The following AKAP10 variants were observed in gnomAD, a reference collection of about 807,000 sequenced individuals.
The protein encoded by AKAP10 is A-kinase anchor protein 10, mitochondrial.
Under a neutral mutation model 80.8 loss-of-function variants are expected in AKAP10, and 24 were observed. The ratio of observed to expected loss-of-function variants is 0.30; its 90% CI spans 0.22 to 0.42. The LOEUF is 0.42. AKAP10 is among the 10% of genes least tolerant of loss of function. The pLI is 1.00. For missense variants in AKAP10, 661 were observed against 794.9 expected (o/e 0.83, Z 2.03); for synonymous variants, 291 against 277.7 (o/e 1.05, Z -0.48).
In AKAP10 at chr17:19,905,004, T is replaced by C. The variant is rs1055987513; in HGVS notation, c.*1223A>G. The C allele has an allele frequency of 1.3e-5, 2 of 148,628 alleles. No homozygotes were observed. The highest frequency in any genetic ancestry group is 5.0e-5 in the African/African-American group (2 of 40,314). 9.2% of individuals were successfully genotyped at this position (148,628 alleles called of 1,614,324 possible). On this transcript the variant is annotated 3_prime_UTR_variant, in exon 15 of 15. Transcript: ENST00000225737. ...TCTCAAGGACAAAAGTGATTAATAA[T>C]TATATATTTATACATATATATATAT...
chr17:19,949,151 T>C (rs1270048791), intron 4 of AKAP10, among the ~76,000 whole-genome samples: 1 of 151,910 alleles, frequency 6.6e-6, no homozygotes, highest in African/African-American at 2.4e-5. Flanking sequence ...AAAACCATGC[T>C]CTAAGAAATA....
chr17:19,947,432 T>C lies in AKAP10; in HGVS notation c.951A>G (p.Thr317=). 3 of 1,611,068 alleles carry C rather than the reference T, an allele frequency of 1.9e-6. No individual in the cohort carries two copies. Among genetic ancestry groups the C allele is most frequent in the Non-Finnish European group, 2.5e-6 (3 of 1,177,276 alleles). ...SPDAAKPIPI[T]EAMRNDIIAR... Reference sequence around the variant, plus strand: ...CTATGATGTCATTTCTCATTGCTTCTGTAATTGGTATTGGTTTAGCAGCAT... The same window carrying C: ...CTATGATGTCATTTCTCATTGCTTCCGTAATTGGTATTGGTTTAGCAGCAT... The change falls in exon 5 of 15, where the codon ACA becomes ACG. Residue 317 remains threonine, a synonymous_variant. Transcript: ENST00000225737.
At chr17:19,957,654 A>AT (rs1028345928) in intron 4 of AKAP10, among the ~76,000 whole-genome samples, 1 of 152,236 alleles carries the variant, frequency 6.6e-6, no homozygotes, top group Non-Finnish European at 1.5e-5. Flanking sequence ...ATTTTTAAAA[A>AT]TTTTTTAAAA....
In AKAP10 at chr17:19,916,304, C is replaced by T. The variant is rs77924454; in HGVS notation, c.1834+3732G>A. On this transcript the variant is annotated intron_variant, in intron 12 of 14. Transcript: ENST00000225737. ...ACATTTGTTTGTCTGTTACTGTCTCCGCCAATATAATGTAAGTTCCATGAA... is the reference window on the plus strand; with the variant it reads ...ACATTTGTTTGTCTGTTACTGTCTCTGCCAATATAATGTAAGTTCCATGAA... 9.5e-3 allele frequency among the ~76,000 whole-genome samples: 1,439 copies of T among 152,198 alleles called. 27 individuals carry two copies. Among genetic ancestry groups the T allele is most frequent in the East Asian group, 0.074 (382 of 5,174 alleles).
intron 3 of AKAP10, among the ~76,000 whole-genome samples, chr17:19,961,748 T>G (rs914752106): frequency 6.6e-6 from 1 of 152,254 alleles, no homozygotes; most frequent in Non-Finnish European, 1.5e-5. Context: ...GATTTTACCA[T>G]GCATACTGTG....
rs561325590 is a variant in AKAP10, at chr17:19,964,630, G to A, written c.137-1608C>T. Among the ~76,000 whole-genome samples the A allele has an allele frequency of 2.6e-5, 4 of 151,704 alleles. No individual in the cohort carries two copies. The East Asian group carries it at 6.3e-4, about 24-fold the overall frequency. On this transcript the variant is annotated intron_variant, in intron 2 of 14. Transcript: ENST00000225737. The stretch of plus-strand genomic sequence containing the variant: ...CAAGGGACCGGGTGCAGTGGTTCAC[G>A]CCTGTAATCCCAGAACTTTTGGAGG...
intron 4 of AKAP10, among the ~76,000 whole-genome samples, chr17:19,954,560 C>CT (rs910558982): frequency 8.6e-5 from 13 of 150,850 alleles, no homozygotes; most frequent in African/African-American, 3.2e-4. Flanking sequence ...TCTCGGCTCA[C>CT]TGCAAGCTCC....
rs899324640 is a variant in AKAP10 at position 19,911,636 on chromosome 17, C to T, written c.1835-1658G>A. Among the ~76,000 whole-genome samples the T allele has an allele frequency of 3.3e-5, 5 of 150,864 alleles. No homozygotes were observed. In the South Asian group the frequency reaches 1.1e-3, roughly 32 times the overall value. On this transcript the variant is annotated intron_variant, in intron 12 of 14. Transcript: ENST00000225737. ...GGAGGATCACCTGAGGTCAGGAGTT[C>T]GAGACCAGCCACAACATGGAGAAAC...
chr17:19,928,643 G>T (rs1444293349), intron 10 of AKAP10, among the ~76,000 whole-genome samples: 1 of 152,156 alleles, frequency 6.6e-6, no homozygotes, highest in Non-Finnish European at 1.5e-5. Flanking sequence ...TTGGGAGGCC[G>T]AGATGGGTGG....
intron 12 of AKAP10, among the ~76,000 whole-genome samples, chr17:19,911,538 C>T (rs2042689386): frequency 6.6e-6 from 1 of 151,992 alleles, no homozygotes; most frequent in Admixed American, 6.6e-5. Flanking sequence ...CTGGTTAGAA[C>T]TCTGTTTAGA....
rs75346595 is a variant in AKAP10 at position 19,935,802 on chromosome 17, G to A, written c.1467+484C>T. On this transcript the variant is annotated intron_variant, in intron 9 of 14. Transcript: ENST00000225737. ...TCCTTTGATAACAATGCCTCCTTCT[G>A]GAAACCTCCTGAAGGACCTGTCTGA... 2.7e-3 allele frequency among the ~76,000 whole-genome samples: 404 copies of A among 151,984 alleles called. 14 individuals are homozygous for A. In the East Asian group the frequency reaches 0.074, roughly 28 times the overall value.
rs911864342 is a variant in AKAP10 at position 19,977,630 on chromosome 17, G to A, written c.50C>T (p.Pro17Leu). The change falls in exon 1 of 15, where the codon CCC becomes CTC. Residue 17 changes from proline to leucine, a missense_variant. Pro to Leu is a moderately conservative substitution (Grantham distance 98). Transcript: ENST00000225737. ...SPRQSPRTLR[P>L]DPGPAMSFFR... is the part of the protein sequence containing the mutation. The stretch of plus-strand genomic sequence containing the variant: ...GAAGGACATGGCGGGGCCCGGGTCG[G>A]GACGGAGGGTGCGGGGGGACTGGCG... 3 of 1,235,378 alleles carry A rather than the reference G, an allele frequency of 2.4e-6. No individual in the cohort carries two copies. Among genetic ancestry groups the A allele is most frequent in the Non-Finnish European group, 2.0e-6 (2 of 988,022 alleles). The allele number at this position is 1,235,378 out of a possible 1,614,324, so 76.5% of individuals were successfully genotyped here.
At chr17:19,950,308 G>GTCTCCC (rs1346538922) in intron 4 of AKAP10, among the ~76,000 whole-genome samples, 4 of 152,154 alleles carry the variant, frequency 2.6e-5, no homozygotes, top group Admixed American at 6.5e-5. Flanking sequence ...GCTCTCCCTC[G>GTCTCCC]TCTCCCTCTC....
At chr17:19,975,737 A>G (rs1028376709) in intron 1 of AKAP10, among the ~76,000 whole-genome samples, 7 of 152,124 alleles carry the variant, frequency 4.6e-5, no homozygotes, top group African/African-American at 1.7e-4. Flanking sequence ...TCACTACTCA[A>G]TCGTGAGGGC....
intron 8 of AKAP10, among the ~76,000 whole-genome samples, chr17:19,937,779 T>C (rs1216695543): frequency 6.6e-6 from 1 of 152,204 alleles, no homozygotes; most frequent in Non-Finnish European, 1.5e-5. Flanking sequence ...ATTCTGCCAC[T>C]AACTTGTTCT....
At chr17:19,954,932 A>AT (rs2043257017) in intron 4 of AKAP10, among the ~76,000 whole-genome samples, 1 of 152,012 alleles carries the variant, frequency 6.6e-6, no homozygotes, top group Non-Finnish European at 1.5e-5. Flanking sequence ...AAAAAAAAAA[A>AT]GTCCTGATTG....
chr17:19,960,039 G>C (rs1038464847), intron 3 of AKAP10, among the ~76,000 whole-genome samples: 1 of 152,128 alleles, frequency 6.6e-6, no homozygotes, highest in African/African-American at 2.4e-5. Context: ...TAGAGCCCAG[G>C]AGTTCAAGAC....
At chr17:19,918,335 T>A (rs1339619913) in intron 12 of AKAP10, among the ~76,000 whole-genome samples, 1 of 151,344 alleles carries the variant, frequency 6.6e-6, no homozygotes, top group African/African-American at 2.4e-5. Context: ...AGGTCAGGAG[T>A]TTGAGACCAG....
chr17:19,920,075 G>A lies in AKAP10; in HGVS notation c.1795C>T (p.Arg599Ter), dbSNP rs748488343. The part of the protein sequence containing the change: ...GRVSDLGQFI[R>*]ESEPEPDVRK... ...ACATCAGGTTCAGGCTCAGATTCTC[G>A]GATGAATTGCCCCAAGTCACTGACT... Residue 599 changes from arginine (R) to a stop codon, truncating the protein, a stop_gained, in exon 12 of 15, where the codon CGA (arginine) becomes TGA (stop). Transcript: ENST00000225737. LOFTEE classifies it high-confidence loss of function. 1.2e-6 allele frequency: 2 copies of A among 1,613,310 alleles called. No homozygotes were observed. The highest frequency in any genetic ancestry group is 1.7e-6 in the Non-Finnish European group (2 of 1,179,586).
Sources: gnomAD v4.1 joint callset for allele counts (sites outside exome capture counted in the v4.1 genomes callset) on GRCh38, gnomAD v4.1.1 for gene constraint, MANE v1.5 for transcripts, NCBI Gene and HGNC (gene_info 2026-07-23, HGNC 2026-07-21) for gene names.